Variants in DSE observed in about 807,000 individuals in gnomAD.
DSE encodes dermatan sulfate epimerase.
In DSE, 36 loss-of-function variants were observed where a neutral mutation model predicts 84.4. The observed-to-expected ratio is 0.43, with a 90% CI of 0.33 to 0.56. The LOEUF (loss-of-function observed/expected upper bound fraction) is 0.56. DSE is among the 20% of genes least tolerant of loss of function. The pLI is 0.06. For synonymous variants in DSE, 410 were observed against 430.1 expected (o/e 0.95, Z 0.58); for missense variants, 862 against 1,169.6 (o/e 0.74, Z 3.84).
upstream of DSE, chr6:116,367,278 G>A (rs555728187): frequency 6.6e-6 from 1 of 152,322 alleles, no homozygotes; most frequent in South Asian, 2.1e-4. Flanking sequence ...CTTCTTCTGT[G>A]ATCTGAAGAT....
intron 2 of DSE, among the ~76,000 whole-genome samples, chr6:116,266,751 A>T (rs1349970064): frequency 6.6e-6 from 1 of 152,114 alleles, no homozygotes; most frequent in African/African-American, 2.4e-5. Context: ...TCTTTTTCTT[A>T]CTTTCTTTCT....
At chr6:116,357,207 G>A (rs1218717737) in intron 2 of DSE, among the ~76,000 whole-genome samples, 2 of 152,076 alleles carry the variant, frequency 1.3e-5, no homozygotes, top group Admixed American at 6.6e-5. Flanking sequence ...TGGGTGGTGA[G>A]CCCCTCCCTG....
Position 116,371,199 on chromosome 6 carries a change from C to A in DSE, c.-54+78C>A, listed in dbSNP as rs536501468. The A allele has an allele frequency of 1.2e-5, 12 of 985,224 alleles. No homozygotes were observed. The South Asian group carries it at 5.2e-4, about 42-fold the overall frequency. 61.0% of individuals were successfully genotyped at this position (985,224 alleles called of 1,614,324 possible). A position where few individuals can be genotyped will look rare whatever the true frequency, so the allele number is the denominator to read the frequency against. ...TCGGGAGTTTCGGGCGGGTAGCCTT[C>A]GGGGCTGTCCCGGCGCGGGCGGGAG... is the stretch of plus-strand genomic sequence containing the variant. On this transcript the variant is annotated intron_variant, in intron 1 of 5. Transcript: ENST00000644252.
At chr6:116,270,244 T>C (rs1449831169) in intron 2 of DSE, among the ~76,000 whole-genome samples, 3 of 152,134 alleles carry the variant, frequency 2.0e-5, no homozygotes, top group African/African-American at 7.2e-5. Flanking sequence ...GTTGATGAAA[T>C]TGCAGAGGAG....
At chr6:116,381,540 T>C (rs1780224441) in intron 1 of DSE, among the ~76,000 whole-genome samples, 1 of 152,196 alleles carries the variant, frequency 6.6e-6, no homozygotes, top group Non-Finnish European at 1.5e-5. Context: ...TCACATTCTA[T>C]GGGACCTTGG....
Position 116,436,075 on chromosome 6 carries a change from T to C in DSE, c.1607T>C (p.Phe536Ser). ...GCAGAGGAGAAAAATGGGGTGGTTTTCATCCGAGGAGAAGGTGTGGGAGCT... is the reference window on the plus strand; with the variant it reads ...GCAGAGGAGAAAAATGGGGTGGTTTCCATCCGAGGAGAAGGTGTGGGAGCT... ...VAAEEKNGVV[F>S]IRGEGVGAYN... The change falls in exon 6 of 6, where the codon TTC becomes TCC. Residue 536 changes from phenylalanine to serine, a missense_variant. Phe to Ser is a radical substitution (Grantham distance 155). Transcript: ENST00000644252. The C allele has an allele frequency of 1.2e-6, 2 of 1,613,752 alleles. No homozygotes were observed. The highest frequency in any genetic ancestry group is 1.7e-6 in the Non-Finnish European group (2 of 1,180,032).
intron 2 of DSE, among the ~76,000 whole-genome samples, chr6:116,311,746 C>G (rs983247043): frequency 1.3e-5 from 2 of 152,176 alleles, no homozygotes; most frequent in Non-Finnish European, 1.5e-5. Flanking sequence ...TCTTTCAGGT[C>G]TCTCTCAAAT....
At chr6:116,307,840 T>C (rs1775440594) in intron 2 of DSE, among the ~76,000 whole-genome samples, 1 of 152,234 alleles carries the variant, frequency 6.6e-6, no homozygotes, top group African/African-American at 2.4e-5. Flanking sequence ...TGGAGGGTCA[T>C]GTAAATATGA....
chr6:116,284,088 C>A (rs936685215), intron 2 of DSE, among the ~76,000 whole-genome samples: 9 of 152,244 alleles, frequency 5.9e-5, no homozygotes, highest in African/African-American at 2.2e-4. Flanking sequence ...TTTTCTAATA[C>A]AGTTCTATGG....
intron 2 of DSE, among the ~76,000 whole-genome samples, chr6:116,411,926 G>A (rs1338344376): frequency 6.6e-6 from 1 of 152,112 alleles, no homozygotes; most frequent in East Asian, 1.9e-4. Flanking sequence ...CTAAAACTGG[G>A]GAATGTGTTT....
chr6:116,427,737 T>C (rs1335816282), intron 3 of DSE, among the ~76,000 whole-genome samples: 1 of 152,250 alleles, frequency 6.6e-6, no homozygotes, highest in Non-Finnish European at 1.5e-5. Flanking sequence ...TTGGACCCAC[T>C]TCTGGCCATC....
intron 2 of DSE, among the ~76,000 whole-genome samples, chr6:116,326,372 T>G (rs1776621074): frequency 6.6e-6 from 1 of 152,088 alleles, no homozygotes; most frequent in Non-Finnish European, 1.5e-5. Flanking sequence ...CAAAAAACTT[T>G]CAAATATCTT....
intron 2 of DSE, among the ~76,000 whole-genome samples, chr6:116,321,174 G>A (rs1344982291): frequency 2.6e-5 from 4 of 151,324 alleles, no homozygotes; most frequent in Non-Finnish European, 5.9e-5. Flanking sequence ...TTACTTATTT[G>A]TTTATTTATT....
intron 2 of DSE, among the ~76,000 whole-genome samples, chr6:116,419,286 C>T (rs893156931): frequency 2.0e-5 from 3 of 152,162 alleles, no homozygotes; most frequent in African/African-American, 7.2e-5. Context: ...CCAAATTTAA[C>T]ATATTACTAA....
Position 116,399,360 on chromosome 6 carries a change from A to G in DSE, c.110A>G (p.Asn37Ser), listed in dbSNP as rs371802983. 3.6e-5 allele frequency: 58 copies of G among 1,613,946 alleles called. No individual in the cohort carries two copies. Among genetic ancestry groups the G allele is most frequent in the East Asian group, 1.1e-4 (5 of 44,884 alleles). The change falls in exon 2 of 6, where the codon AAT becomes AGT. Residue 37 changes from asparagine to serine, a missense_variant. Asn to Ser is a conservative substitution (Grantham distance 46). Around this residue, in one of 4 missense-constraint regions of DSE, gnomAD observed 52 missense variants for 49.6 expected, o/e 1.05. Coordinates refer to ENST00000644252, the MANE Select transcript of DSE (RefSeq NM_013352.4). ...CCAGAAGTTATGATTCCCTTCACCA[A>G]TGCCAACTACGACAGCCATCCCATG... ...ENPEVMIPFT[N>S]ANYDSHPMLY...
chr6:116,320,424 T>C (rs1317454859), intron 2 of DSE, among the ~76,000 whole-genome samples: 1 of 151,574 alleles, frequency 6.6e-6, no homozygotes, highest in Non-Finnish European at 1.5e-5. Flanking sequence ...GATAAAGAAC[T>C]TATTAGATAC....
chr6:116,386,781 A>AGC (rs1780601502), intron 1 of DSE, among the ~76,000 whole-genome samples: 1 of 152,190 alleles, frequency 6.6e-6, no homozygotes, highest in African/African-American at 2.4e-5. Context: ...GTCTCTCATG[A>AGC]GCTGGTAAAG....
At chr6:116,269,384 T>C (rs1384055678) in intron 2 of DSE, among the ~76,000 whole-genome samples, 1 of 152,210 alleles carries the variant, frequency 6.6e-6, no homozygotes, top group African/African-American at 2.4e-5. Context: ...AAGAATTACA[T>C]TAAATAAACA....
chr6:116,417,508 T>C (rs1401208552), intron 2 of DSE, among the ~76,000 whole-genome samples: 1 of 152,192 alleles, frequency 6.6e-6, no homozygotes, highest in Non-Finnish European at 1.5e-5. Context: ...CTCAGTATTC[T>C]GCTTGAGTGG....
Sources: gnomAD v4.1 joint callset for allele counts (sites outside exome capture counted in the v4.1 genomes callset) on GRCh38, gnomAD v4.1.1 for gene constraint, gnomAD v4.1.1 regional missense constraint, MANE v1.5 for transcripts, NCBI Gene and HGNC (gene_info 2026-07-23, HGNC 2026-07-21) for gene names.